DPP6: variants seen among roughly 807,000 people sequenced by gnomAD.
DPP6 encodes the protein dipeptidyl peptidase like 6, also known as A-type potassium channel modulatory protein DPP6.
Under a neutral mutation model 122.6 loss-of-function variants are expected in DPP6, and 69 were observed. That is an observed-to-expected ratio of 0.56 (90% CI 0.46 to 0.69). The LOEUF (loss-of-function observed/expected upper bound fraction) is 0.69, where lower values mean the gene tolerates loss of function less well. DPP6 is among the 30% of genes least tolerant of loss of function. DPP6 has a pLI of 0.00. For synonymous variants in DPP6, 418 were observed against 433.1 expected, an observed-to-expected ratio of 0.97 and a Z score of 0.43; for missense variants, 928 against 1,116.9, an observed-to-expected ratio of 0.83 and a Z score of 2.41.
intron 1 of DPP6, among the ~76,000 whole-genome samples, chr7:154,064,083 G>C (rs559384642): frequency 5.9e-4 from 90 of 152,152 alleles, no homozygotes; most frequent in Middle Eastern, 3.4e-3. Context: ...GTGGGGAAAA[G>C]CCACTGAGTT....
At chr7:154,881,995 T>C (rs867613771) in intron 21 of DPP6, among the ~76,000 whole-genome samples, 28 of 152,148 alleles carry the variant, frequency 1.8e-4, no homozygotes, top group African/African-American at 6.8e-4. Context: ...GGAAGTGACT[T>C]CCCAGCAGAC....
At chr7:154,097,358 A>G (rs1483461628) in intron 1 of DPP6, among the ~76,000 whole-genome samples, 6 of 152,232 alleles carry the variant, frequency 3.9e-5, no homozygotes, top group Admixed American at 3.3e-4. Flanking sequence ...CGAGGCCTCT[A>G]TGTGCAGGGC....
intron 5 of DPP6, among the ~76,000 whole-genome samples, chr7:154,592,541 A>C (rs1173985951): frequency 6.6e-6 from 1 of 152,178 alleles, no homozygotes; most frequent in African/African-American, 2.4e-5. Flanking sequence ...TGTGTTTATC[A>C]TGTGTCAGGC....
At chr7:154,485,086 T>C (rs1156284777) in intron 3 of DPP6, among the ~76,000 whole-genome samples, 1 of 152,124 alleles carries the variant, frequency 6.6e-6, no homozygotes, top group East Asian at 1.9e-4. Context: ...AGCCTTAGAA[T>C]TGCAGAGAGT....
At chr7:153,774,320 G>T in the DPP6 span, among the ~76,000 whole-genome samples, 29 of 152,288 alleles carry the variant, frequency 1.9e-4, no homozygotes, top group Non-Finnish European at 3.7e-4. Flanking sequence ...CAATACAGAG[G>T]TTAAGATCAT....
intron 7 of DPP6, among the ~76,000 whole-genome samples, chr7:154,703,945 A>G (rs1840679525): frequency 1.3e-5 from 2 of 152,210 alleles, no homozygotes; most frequent in Non-Finnish European, 2.9e-5. Context: ...TCAAAAAAAA[A>G]AAAAAGAAAA....
At chr7:154,125,171 C>T (rs1458172796) in intron 1 of DPP6, among the ~76,000 whole-genome samples, 3 of 152,060 alleles carry the variant, frequency 2.0e-5, no homozygotes, top group Non-Finnish European at 2.9e-5. Flanking sequence ...TCAGGGCACA[C>T]GAAAGGGTAA....
intron 8 of DPP6, among the ~76,000 whole-genome samples, chr7:154,754,002 G>T (rs1032664059): frequency 1.1e-4 from 17 of 150,116 alleles, no homozygotes; most frequent in Non-Finnish European, 2.1e-4. Flanking sequence ...CAGAGAAACT[G>T]CTTATAATTT....
At chr7:154,204,791 G>T (rs1034220266) in intron 1 of DPP6, among the ~76,000 whole-genome samples, 2 of 151,858 alleles carry the variant, frequency 1.3e-5, no homozygotes, top group Non-Finnish European at 2.9e-5. Flanking sequence ...CCTTGTGTGT[G>T]TGTGTGTCTG....
intron 1 of DPP6, among the ~76,000 whole-genome samples, chr7:154,306,600 C>G (rs1038085613): frequency 1.3e-5 from 2 of 152,178 alleles, no homozygotes; most frequent in Non-Finnish European, 2.9e-5. Context: ...GAATTCCATG[C>G]CAACTCTTCA....
At position 153,975,087 on chromosome 7, in the gene DPP6, A is replaced by G. The variant is rs78694955; in HGVS notation, c.51+87353A>G. 8.2e-3 allele frequency among the ~76,000 whole-genome samples: 1,249 copies of G among 152,116 alleles called. 10 individuals are homozygous for G. The highest frequency in any genetic ancestry group is 0.033 in the East Asian group (172 of 5,170). ...ACTAAATACCTACTACGTACCAGCC[A>G]GAGCAGTAGGCACTGGAGTACCCAT... is the stretch of plus-strand genomic sequence containing the variant. On this transcript the variant is annotated intron_variant, in intron 1 of 25. Coordinates refer to the DPP6 transcript ENST00000404039.
intron 7 of DPP6, among the ~76,000 whole-genome samples, chr7:154,713,093 A>C (rs917197132): frequency 6.6e-6 from 1 of 152,264 alleles, no homozygotes; most frequent in African/African-American, 2.4e-5. Context: ...TGCAAGCCCC[A>C]TGCATGTCCA....
At chr7:154,689,406 T>C (rs1209833658) in intron 7 of DPP6, among the ~76,000 whole-genome samples, 1 of 152,226 alleles carries the variant, frequency 6.6e-6, no homozygotes. Context: ...CTATGAAGTA[T>C]GTTTTCTGAA....
At chr7:153,862,666 G>A in the DPP6 span, among the ~76,000 whole-genome samples, 2 of 152,180 alleles carry the variant, frequency 1.3e-5, no homozygotes, top group South Asian at 2.1e-4. Context: ...AACTCAGGCT[G>A]TGTTTGTGCT....
Position 154,093,398 on chromosome 7 carries a change from A to AC in DPP6, c.243+40336dup, listed in dbSNP as rs899658797. On this transcript the variant is annotated intron_variant, in intron 1 of 25. Coordinates refer to ENST00000377770, the MANE Select transcript of DPP6 (RefSeq NM_130797.4). Reference sequence around the variant, plus strand: ...TAACACACCACATGCCACACAACCTACATACCACATCCTACACACCACACA... The same window carrying AC: ...TAACACACCACATGCCACACAACCTACCATACCACATCCTACACACCACACA... Among the ~76,000 whole-genome samples, 6 of 146,188 alleles carry AC rather than the reference A, an allele frequency of 4.1e-5. No homozygotes were observed. In the Admixed American group the frequency reaches 4.2e-4, roughly 10 times the overall value.
At chr7:154,437,609 A>G (rs1818978211) in intron 1 of DPP6, among the ~76,000 whole-genome samples, 2 of 152,230 alleles carry the variant, frequency 1.3e-5, no homozygotes, top group African/African-American at 4.8e-5. Context: ...AAGAAAATGT[A>G]TACATCAAAT....
intron 1 of DPP6, among the ~76,000 whole-genome samples, chr7:154,016,080 C>T (rs1279714727): frequency 6.6e-6 from 1 of 152,202 alleles, no homozygotes; most frequent in African/African-American, 2.4e-5. Context: ...TGCTCCTCTG[C>T]CCCGAAGGCT....
At chr7:154,297,048 T>G (rs1175937081) in intron 1 of DPP6, among the ~76,000 whole-genome samples, 1 of 150,358 alleles carries the variant, frequency 6.7e-6, no homozygotes, top group Non-Finnish European at 1.5e-5. Context: ...CTAGGTTGAT[T>G]GTGAAATGTA....
At chr7:154,514,385 T>C (rs545966906) in intron 3 of DPP6, among the ~76,000 whole-genome samples, 41 of 152,278 alleles carry the variant, frequency 2.7e-4, no homozygotes, top group African/African-American at 9.4e-4. Context: ...TTCTTTTTTT[T>C]CAATTGCTGT....
Sources: gnomAD v4.1 joint callset for allele counts (sites outside exome capture counted in the v4.1 genomes callset) on GRCh38, gnomAD v4.1.1 for gene constraint, MANE v1.5 for transcripts, NCBI Gene and HGNC (gene_info 2026-07-23, HGNC 2026-07-21) for gene names.